The following FRA10AC1 variants were observed in gnomAD, a reference collection of about 807,000 sequenced individuals.
The protein encoded by FRA10AC1 is protein FRA10AC1.
Under a neutral mutation model 56.5 loss-of-function variants are expected in FRA10AC1, and 43 were observed. The observed-to-expected ratio is 0.76, with a 90% confidence interval of 0.60 to 0.98. The LOEUF is 0.98. Among genes scored for constraint, FRA10AC1 ranks in the 50% least tolerant of loss-of-function variants. The pLI, the probability that FRA10AC1 is intolerant of heterozygous loss-of-function variation, is 0.00. For missense variants in FRA10AC1, 346 were observed against 351.8 expected, an observed-to-expected ratio of 0.98 and a Z score of 0.13; for synonymous variants, 112 against 110.5, an observed-to-expected ratio of 1.01 and a Z score of -0.09.
At chr10:93,671,381 T>C (rs908480961) in intron 12 of FRA10AC1, 1 of 152,788 alleles carries the variant, frequency 6.5e-6, no homozygotes, top group Non-Finnish European at 1.5e-5. Flanking sequence ...AAACTGGCAT[T>C]CTCACACATT....
chr10:93,697,389 G>C (rs373936347), intron 4 of FRA10AC1, among the ~76,000 whole-genome samples: 1 of 152,220 alleles, frequency 6.6e-6, no homozygotes, highest in Non-Finnish European at 1.5e-5. Flanking sequence ...GAATAGCACA[G>C]TGAAACAGAT....
At chr10:93,702,685 G>T (rs987423701), upstream of FRA10AC1, 1 of 230,998 alleles carries the variant, frequency 4.3e-6, no homozygotes, top group Non-Finnish European at 8.7e-6. Context: ...GGAAACAAGG[G>T]CAGCGGGAGA....
rs1231209874 is a variant in FRA10AC1 at position 93,669,204 on chromosome 10, A to T, written c.*622T>A. 6.6e-6 allele frequency: 1 copy of T among 152,250 alleles called. No individual in the cohort carries two copies. The highest frequency in any genetic ancestry group is 2.4e-5 in the African/African-American group (1 of 41,462). 9.4% of individuals were successfully genotyped at this position (152,250 alleles called of 1,614,324 possible). A position where few individuals can be genotyped will look rare whatever the true frequency, so the allele number is the denominator to read the frequency against. On this transcript the variant is annotated 3_prime_UTR_variant, in exon 14 of 14. Transcript: ENST00000359204. The stretch of plus-strand genomic sequence containing the variant: ...TGGTAATGGGAGAGCAGGTACTTAA[A>T]AGAAGGGTGCCAGTTTATCAATGGG...
Position 93,687,282 on chromosome 10 carries a change from C to T in FRA10AC1, c.511+122G>A, listed in dbSNP as rs1457848107. The T allele has an allele frequency of 4.0e-6, 3 of 743,004 alleles. No homozygotes were observed. In the East Asian group the frequency reaches 9.4e-5, roughly 23 times the overall value. The allele number at this position is 743,004 out of a possible 1,614,324, so 46.0% of individuals were successfully genotyped here. On this transcript the variant is annotated intron_variant, in intron 8 of 13. Coordinates refer to ENST00000359204, the MANE Select transcript of FRA10AC1 (RefSeq NM_145246.5). ...ATAATGTATCATGAATACACCTTCT[C>T]TAATTTTACTTTTGTAGCTAATAAT...
chr10:93,701,428 T>C (rs1300566119), intron 1 of FRA10AC1, among the ~76,000 whole-genome samples: 1 of 152,212 alleles, frequency 6.6e-6, no homozygotes, highest in Admixed American at 6.5e-5. Flanking sequence ...GAATAAGTCA[T>C]TTCATCTCCC....
At chr10:93,683,772 T>C (rs532153287) in intron 10 of FRA10AC1, among the ~76,000 whole-genome samples, 1 of 152,354 alleles carries the variant, frequency 6.6e-6, no homozygotes, top group African/African-American at 2.4e-5. Flanking sequence ...CTTTACAACA[T>C]AATTTCTAAT....
At chr10:93,676,937 A>G (rs1320586370) in intron 11 of FRA10AC1, among the ~76,000 whole-genome samples, 1 of 152,220 alleles carries the variant, frequency 6.6e-6, no homozygotes, top group African/African-American at 2.4e-5. Flanking sequence ...ACAAAAAATA[A>G]TGAATACCTG....
At position 93,692,022 on chromosome 10, in the gene FRA10AC1, T is replaced by C. The variant is rs746020734; in HGVS notation, c.452A>G (p.Tyr151Cys). The change falls in exon 7 of 14, where the codon TAT becomes TGT. Residue 151 changes from tyrosine (Y) to cysteine (C), a missense_variant. Coordinates refer to ENST00000359204, the MANE Select transcript of FRA10AC1 (RefSeq NM_145246.5). ...KEYCIADLSK[Y>C]KENKFGFRWR... is the part of the protein sequence containing the mutation. ...TGGAAAGCATACCTTATTTTCTTTA[T>C]ATTTACTGAGATCTGCTATGCAGTA... The C allele has an allele frequency of 6.4e-7, 1 of 1,567,184 alleles. No homozygotes were observed. The highest frequency in any genetic ancestry group is 1.2e-5 in the South Asian group (1 of 82,808).
intron 9 of FRA10AC1, 45 bp downstream of exon 9, chr10:93,685,201 A>C: frequency 1.2e-6 from 1 of 851,684 alleles, no homozygotes; most frequent in Non-Finnish European, 1.9e-6. Context: ...TAAATTAAAG[A>C]CAAACTTGGA....
At chr10:93,700,177 A>G in intron 1 of FRA10AC1, 71 bp from the exon 2 acceptor site, 1 of 900,398 alleles carries the variant, frequency 1.1e-6, no homozygotes, top group East Asian at 2.5e-5. Flanking sequence ...TAATTCAAAA[A>G]TAAGTTATCT....
intron 2 of FRA10AC1, among the ~76,000 whole-genome samples, 198 bp from the exon 3 acceptor site, chr10:93,698,594 G>A (rs924211977): frequency 9.9e-5 from 15 of 152,148 alleles, no homozygotes; most frequent in Admixed American, 2.6e-4. Flanking sequence ...CCTATAACAC[G>A]GGGAAGATGA....
intron 8 of FRA10AC1, among the ~76,000 whole-genome samples, chr10:93,685,704 C>CA (rs2059015024): frequency 6.7e-6 from 1 of 149,844 alleles, no homozygotes; most frequent in Admixed American, 6.7e-5. Flanking sequence ...AAAACAAAAA[C>CA]AAAAAAAACA....
rs773424149 is a variant in FRA10AC1, at chr10:93,687,366, G to A, written c.511+38C>T. On this transcript the variant is annotated intron_variant, in intron 8 of 13. Coordinates refer to ENST00000359204, the MANE Select transcript of FRA10AC1 (RefSeq NM_145246.5). ...CCAATTCAGTAACTTAACAAAATAA[G>A]TTTATCCTATTAAAAAGTAAAAATT... 3.6e-6 allele frequency: 5 copies of A among 1,386,484 alleles called. No individual in the cohort carries two copies. In the East Asian group the frequency reaches 1.0e-4, roughly 28 times the overall value. 85.9% of individuals were successfully genotyped at this position (1,386,484 alleles called of 1,614,324 possible).
chr10:93,683,763 T>C (rs914354792), intron 10 of FRA10AC1, among the ~76,000 whole-genome samples: 3 of 152,194 alleles, frequency 2.0e-5, no homozygotes, highest in African/African-American at 7.2e-5. Context: ...TGAAGTCTGC[T>C]TTACAACATA....
chr10:93,694,968 T>C, intron 4 of FRA10AC1, 31 bp from the exon 5 acceptor site: 2 of 1,135,658 alleles, frequency 1.8e-6, no homozygotes, highest in Non-Finnish European at 2.7e-6. Flanking sequence ...GATTTTATTC[T>C]CTTAGGAGCT....
intron 11 of FRA10AC1, among the ~76,000 whole-genome samples, chr10:93,677,546 C>T (rs1322953639): frequency 6.6e-6 from 1 of 152,066 alleles, no homozygotes; most frequent in South Asian, 2.1e-4. Flanking sequence ...ATTTGGAGGC[C>T]CAAGAACATA....
At chr10:93,694,713 TAAAAAAAAAAAAAAAAA>T (rs10554752) in intron 5 of FRA10AC1, 131 bp downstream of exon 5, 5 of 240,632 alleles carry the variant, frequency 2.1e-5, no homozygotes, top group South Asian at 9.3e-5. Context: ...GACTCCATCT[TAAAAAAAAAAAAAAAAA>T]AAAAAAAAAA....
Position 93,672,614 on chromosome 10 carries a change from G to A in FRA10AC1, c.827-1766C>T, listed in dbSNP as rs534208513. ...GCTGTTATCTTGTTCCCTTCCAAGA[G>A]TACTTCCCACATGCCAGCTTTCTTA... On this transcript the variant is annotated intron_variant, in intron 12 of 13. Transcript: ENST00000359204. The A allele has an allele frequency of 3.3e-5, 5 of 152,310 alleles. No individual in the cohort carries two copies. In the East Asian group the frequency reaches 9.6e-4, roughly 29 times the overall value. The allele number at this position is 152,310 out of a possible 1,614,324, so 9.4% of individuals were successfully genotyped here.
chr10:93,699,895 T>C (rs941033526), intron 2 of FRA10AC1, 135 bp downstream of exon 2: 2 of 567,680 alleles, frequency 3.5e-6, no homozygotes, highest in African/African-American at 1.9e-5. Flanking sequence ...ATTAGCTTAA[T>C]GAACAAAAAT....
Sources: gnomAD v4.1 joint callset for allele counts (sites outside exome capture counted in the v4.1 genomes callset) on GRCh38, gnomAD v4.1.1 for gene constraint, MANE v1.5 for transcripts, NCBI Gene and HGNC (gene_info 2026-07-23, HGNC 2026-07-21) for gene names.